Variants in GRID2 observed in about 807,000 individuals in gnomAD.
The protein encoded by GRID2 is glutamate ionotropic receptor delta type subunit 2, also known as glutamate receptor ionotropic, delta-2.
A neutral mutation model predicts 114.8 loss-of-function variants in GRID2; 33 were observed. The observed-to-expected ratio is 0.29, with a 90% CI of 0.22 to 0.38. The LOEUF is 0.38. GRID2 is among the 10% of genes least tolerant of loss of function. GRID2 has a pLI of 1.00. For missense variants in GRID2, 1,184 were observed against 1,257.7 expected, an observed-to-expected ratio of 0.94 and a Z score of 0.89; for synonymous variants, 505 against 449.9, an observed-to-expected ratio of 1.12 and a Z score of -1.55.
chr4:93,511,667 G>C (rs2149486775), intron 12 of GRID2, among the ~76,000 whole-genome samples: 1 of 152,142 alleles, frequency 6.6e-6, no homozygotes, highest in African/African-American at 2.4e-5. Flanking sequence ...TGAGTTTTAT[G>C]TGAGATATGT....
intron 11 of GRID2, among the ~76,000 whole-genome samples, chr4:93,475,516 G>A (rs1054504533): frequency 2.6e-5 from 4 of 152,060 alleles, no homozygotes; most frequent in Admixed American, 1.3e-4. Flanking sequence ...ACATTTTGGA[G>A]GCTTAAAAAT....
At chr4:93,529,963 A>C (rs950053439) in intron 13 of GRID2, among the ~76,000 whole-genome samples, 2 of 151,990 alleles carry the variant, frequency 1.3e-5, no homozygotes, top group African/African-American at 4.8e-5. Flanking sequence ...TGTGTTCTTT[A>C]TTTCTGTTAA....
intron 14 of GRID2, among the ~76,000 whole-genome samples, chr4:93,659,860 C>T (rs1449189935): frequency 6.6e-6 from 1 of 150,540 alleles, no homozygotes. Flanking sequence ...AGATCTGACC[C>T]TTTTGTATTA....
At chr4:92,482,277 G>C in intron 1 of GRID2, among the ~76,000 whole-genome samples, 1 of 151,556 alleles carries the variant, frequency 6.6e-6, no homozygotes, top group Admixed American at 6.6e-5. Context: ...AGAACACATG[G>C]ACATAAACTT....
chr4:92,331,197 T>C (rs1032418812), intron 1 of GRID2, among the ~76,000 whole-genome samples: 4 of 152,162 alleles, frequency 2.6e-5, no homozygotes, highest in Admixed American at 1.3e-4. Flanking sequence ...TTTTAAATGG[T>C]TAAAATATAT....
At chr4:92,748,045 G>A (rs1578138715) in intron 2 of GRID2, among the ~76,000 whole-genome samples, 1 of 152,256 alleles carries the variant, frequency 6.6e-6, no homozygotes, top group East Asian at 1.9e-4. Context: ...ACAATGTTAT[G>A]TTTTTGCCTG....
At chr4:92,730,147 T>G (rs1298026504) in intron 2 of GRID2, among the ~76,000 whole-genome samples, 1 of 152,002 alleles carries the variant, frequency 6.6e-6, no homozygotes. Context: ...GATTTTTCTT[T>G]TTATTTATTT....
At chr4:93,204,451 A>C (rs978333431) in intron 4 of GRID2, among the ~76,000 whole-genome samples, 3 of 152,188 alleles carry the variant, frequency 2.0e-5, no homozygotes, top group Admixed American at 6.5e-5. Flanking sequence ...GTTTGCTTGT[A>C]ACAAATTTAT....
chr4:93,520,275 T>C (rs1730200792), intron 13 of GRID2, among the ~76,000 whole-genome samples: 1 of 151,656 alleles, frequency 6.6e-6, no homozygotes, highest in Admixed American at 6.6e-5. Context: ...TATATTGTAG[T>C]GAAGAGAAGA....
intron 8 of GRID2, among the ~76,000 whole-genome samples, chr4:93,362,385 C>G (rs1311600497): frequency 6.6e-6 from 1 of 151,930 alleles, no homozygotes; most frequent in Admixed American, 6.6e-5. Context: ...GATTGGGGAT[C>G]TGGCTTTCTT....
chr4:92,930,143 C>T (rs1750115775), intron 2 of GRID2, among the ~76,000 whole-genome samples: 1 of 151,222 alleles, frequency 6.6e-6, no homozygotes, highest in African/African-American at 2.4e-5. Context: ...AAATGACTTA[C>T]TCAAGATCAC....
intron 2 of GRID2, among the ~76,000 whole-genome samples, chr4:92,912,945 GA>G (rs961914396): frequency 3.8e-4 from 58 of 151,818 alleles, no homozygotes; most frequent in African/African-American, 1.3e-3. Flanking sequence ...TTGGAACCTA[GA>G]ATAGAAACTT....
chr4:92,946,355 C>A (rs1751632191), intron 2 of GRID2, among the ~76,000 whole-genome samples: 1 of 152,040 alleles, frequency 6.6e-6, no homozygotes, highest in South Asian at 2.1e-4. Flanking sequence ...TCTTGCCTAT[C>A]TCATAGCCTA....
At chr4:93,013,620 A>G (rs1206944850) in intron 2 of GRID2, among the ~76,000 whole-genome samples, 1 of 151,976 alleles carries the variant, frequency 6.6e-6, no homozygotes, top group African/African-American at 2.4e-5. Context: ...TATTTTTAGT[A>G]TACATGTATG....
chr4:93,196,762 A>G (rs1741537545), intron 4 of GRID2, among the ~76,000 whole-genome samples: 1 of 152,096 alleles, frequency 6.6e-6, no homozygotes, highest in Non-Finnish European at 1.5e-5. Context: ...TCGTCGTCCA[A>G]TTTCTCCTCT....
intron 2 of GRID2, among the ~76,000 whole-genome samples, chr4:92,894,874 A>G (rs971623620): frequency 5.3e-5 from 8 of 151,970 alleles, no homozygotes; most frequent in Non-Finnish European, 1.2e-4. Context: ...GGTAAAGTTG[A>G]CTCTACAGTC....
intron 2 of GRID2, among the ~76,000 whole-genome samples, chr4:92,695,143 T>C (rs1734364255): frequency 6.6e-6 from 1 of 151,986 alleles, no homozygotes; most frequent in Non-Finnish European, 1.5e-5. Flanking sequence ...ATTTTTATAT[T>C]TTTGTAGAGA....
At chr4:92,602,485 A>G (rs527480525) in intron 2 of GRID2, among the ~76,000 whole-genome samples, 46 of 152,204 alleles carry the variant, frequency 3.0e-4, no homozygotes, top group Admixed American at 9.8e-4. Context: ...CTGAAAAGGA[A>G]TTTGATAAAA....
chr4:93,601,964 A>C (rs932810937), intron 13 of GRID2, among the ~76,000 whole-genome samples: 4 of 152,180 alleles, frequency 2.6e-5, no homozygotes, highest in Non-Finnish European at 5.9e-5. Context: ...ACCTTGTGTA[A>C]TGTGTAATAG....
Sources: allele counts gnomAD v4.1 joint callset (sites outside exome capture counted in the v4.1 genomes callset), GRCh38; gene constraint gnomAD v4.1.1; transcripts MANE v1.5; gene names NCBI Gene and HGNC (gene_info 2026-07-23, HGNC 2026-07-21).